USP3: variants seen among roughly 807,000 people sequenced by gnomAD.
USP3 encodes ubiquitin carboxyl-terminal hydrolase 3.
USP3 carries 20 observed loss-of-function variants against 72.3 expected under a neutral mutation model. The observed-to-expected ratio is 0.28, with a 90% CI of 0.19 to 0.40. The LOEUF is 0.40. Among genes scored for constraint, USP3 ranks in the 10% least tolerant of loss-of-function variants. USP3 has a pLI of 1.00. For missense variants in USP3, 479 were observed against 633.9 expected (o/e 0.76, Z 2.62); for synonymous variants, 222 against 225.3 (o/e 0.99, Z 0.13).
Position 63,590,674 on chromosome 15 carries a change from C to A in USP3, c.1411C>A (p.His471Asn). 1.2e-6 allele frequency: 2 copies of A among 1,607,414 alleles called. No individual in the cohort carries two copies. Among genetic ancestry groups the A allele is most frequent in the Non-Finnish European group, 8.5e-7 (1 of 1,177,190 alleles). ...TTGCCTTTACAGGGTTGGTTCTGGA[C>A]ATTACACAGCATACGCAACTCACGA... ...VHHGSGVGSG[H>N]YTAYATHEGR... Residue 471 changes from histidine (H) to asparagine (N), a missense_variant, in exon 15 of 15, where the codon CAT (histidine) becomes AAT (asparagine). By Grantham distance (68) the His-to-Asn change is moderately conservative (BLOSUM62 1). Coordinates refer to ENST00000380324, the MANE Select transcript of USP3 (RefSeq NM_006537.4).
intron 1 of USP3, among the ~76,000 whole-genome samples, chr15:63,506,386 A>G (rs890308328): frequency 5.3e-5 from 8 of 152,214 alleles, no homozygotes; most frequent in African/African-American, 1.9e-4. Context: ...AAAAAAGACC[A>G]AAGTAAACAC....
chr15:63,522,775 CTT>C, intron 1 of USP3, among the ~76,000 whole-genome samples: 1 of 152,276 alleles, frequency 6.6e-6, no homozygotes, highest in East Asian at 1.9e-4. Flanking sequence ...AACTTAGCAT[CTT>C]TGTTCATTTG....
intron 3 of USP3, chr15:63,551,193 GTTGT>G (rs1279962419): frequency 6.6e-6 from 1 of 152,018 alleles, no homozygotes; most frequent in African/African-American, 2.4e-5. Flanking sequence ...TCTCTTAACT[GTTGT>G]TTATTATCTT....
chr15:63,554,538 C>G (rs1385353444), intron 4 of USP3, among the ~76,000 whole-genome samples: 2 of 152,152 alleles, frequency 1.3e-5, no homozygotes, highest in Admixed American at 1.3e-4. Context: ...TACATCACAC[C>G]AAATCATTAA....
At chr15:63,567,140 A>G (rs2066703162) in intron 8 of USP3, among the ~76,000 whole-genome samples, 1 of 152,114 alleles carries the variant, frequency 6.6e-6, no homozygotes, top group African/African-American at 2.4e-5. Context: ...TGTTAATTTC[A>G]TTATTTGGAA....
intron 1 of USP3, among the ~76,000 whole-genome samples, chr15:63,521,403 T>G (rs964365551): frequency 2.0e-5 from 3 of 152,350 alleles, no homozygotes; most frequent in African/African-American, 7.2e-5. Flanking sequence ...AAAAATTAAC[T>G]TTTTAATTGT....
intron 1 of USP3, among the ~76,000 whole-genome samples, chr15:63,532,217 T>C (rs544758672): frequency 6.6e-6 from 1 of 152,232 alleles, no homozygotes; most frequent in Non-Finnish European, 1.5e-5. Flanking sequence ...ATGTTGTGCC[T>C]CTTAGTAAAT....
chr15:63,587,105 TTAATA>T (rs1040290521), intron 11 of USP3, among the ~76,000 whole-genome samples: 1 of 135,432 alleles, frequency 7.4e-6, no homozygotes, highest in African/African-American at 3.8e-5. Flanking sequence ...CTACCCAACT[TTAATA>T]TATTATTTAA....
Position 63,570,629 on chromosome 15 carries a change from T to C in USP3, c.908+50T>C, listed in dbSNP as rs759076971. On this transcript the variant is annotated intron_variant, in intron 9 of 14. Transcript: ENST00000380324. This position sits in a 1 kb window ranked among gnomAD's most constrained non-coding sequence, Gnocchi z 4.4. ...TTTAGGAGGGCCTCAGACATTTCTT[T>C]TGGTGTTAATTATGTGTTAGATTTA... is the stretch of plus-strand genomic sequence containing the variant. The C allele has an allele frequency of 5.7e-5, 89 of 1,558,930 alleles. No individual in the cohort carries two copies. The highest frequency in any genetic ancestry group is 3.1e-5 in the Non-Finnish European group (36 of 1,154,382).
chr15:63,521,788 A>C (rs541853909), intron 1 of USP3, among the ~76,000 whole-genome samples: 1 of 152,338 alleles, frequency 6.6e-6, no homozygotes, highest in African/African-American at 2.4e-5. Flanking sequence ...CTGGAGTTAT[A>C]GAATGGCAGT....
intron 1 of USP3, among the ~76,000 whole-genome samples, chr15:63,505,388 A>AC (rs1294055731): frequency 6.6e-6 from 1 of 151,976 alleles, no homozygotes; most frequent in South Asian, 2.1e-4. Context: ...GCACCTCGAA[A>AC]CCCCGAGAGG....
intron 11 of USP3, among the ~76,000 whole-genome samples, chr15:63,582,323 G>A (rs944800309): frequency 6.6e-6 from 1 of 152,148 alleles, no homozygotes; most frequent in African/African-American, 2.4e-5. Context: ...TACTATAATA[G>A]CACTTTCTTA....
In USP3 at chr15:63,588,521, A is replaced by G. The variant is rs527825340; in HGVS notation, c.1215+98A>G. The G allele has an allele frequency of 1.3e-4, 131 of 1,047,978 alleles. No homozygotes were observed. The South Asian group carries it at 1.8e-3, about 14-fold the overall frequency. 64.9% of individuals were successfully genotyped at this position (1,047,978 alleles called of 1,614,324 possible). A position where few individuals can be genotyped will look rare whatever the true frequency, so the allele number is the denominator to read the frequency against. On this transcript the variant is annotated intron_variant, in intron 12 of 14. Transcript: ENST00000380324. This position sits in a 1 kb window ranked among gnomAD's most constrained non-coding sequence, Gnocchi z 4.6. ...CTTTACACTATGTGAACTGTTCTGT[A>G]TTTTTCTCTAGGATTTTCAGTAAAA...
At chr15:63,542,610 G>A (rs545079962) in intron 3 of USP3, among the ~76,000 whole-genome samples, 12 of 151,926 alleles carry the variant, frequency 7.9e-5, no homozygotes, top group Non-Finnish European at 1.6e-4. Context: ...TCAAATTATT[G>A]TCCCATTGGA....
chr15:63,507,099 AT>A (rs2065723596), intron 1 of USP3, among the ~76,000 whole-genome samples: 1 of 151,172 alleles, frequency 6.6e-6, no homozygotes, highest in Admixed American at 6.6e-5. Flanking sequence ...ATTTTATTTT[AT>A]TTTTGTTTTT....
At chr15:63,558,080 A>G in intron 5 of USP3, 26 bp from the exon 6 acceptor site, 1 of 1,613,776 alleles carries the variant, frequency 6.2e-7, no homozygotes, top group Non-Finnish European at 8.5e-7. Context: ...GGCATTACTG[A>G]TGGCCTCTTC....
At chr15:63,537,747 G>A (rs944482677) in intron 3 of USP3, among the ~76,000 whole-genome samples, 5 of 152,152 alleles carry the variant, frequency 3.3e-5, no homozygotes, top group Admixed American at 2.6e-4. Flanking sequence ...GTGCAATGGC[G>A]CAATATCGGC....
rs576171931 is a variant in USP3, at chr15:63,544,601, G to A, written c.284+7445G>A. The A allele has an allele frequency of 1.5e-6, 1 of 656,286 alleles. No homozygotes were observed. Among genetic ancestry groups the A allele is most frequent in the Non-Finnish European group, 2.7e-6 (1 of 364,880 alleles). The allele number at this position is 656,286 out of a possible 1,614,324, so 40.7% of individuals were successfully genotyped here. On this transcript the variant is annotated intron_variant, in intron 3 of 14. Transcript: ENST00000380324. This position sits in a 1 kb window ranked among gnomAD's most constrained non-coding sequence, Gnocchi z 4.2. Reference sequence around the variant, plus strand: ...ACATTAAATTTTAGGACAAGAAAACGATTGAGCCATGCTGTGTGTTTTCAT... The same window carrying A: ...ACATTAAATTTTAGGACAAGAAAACAATTGAGCCATGCTGTGTGTTTTCAT...
intron 1 of USP3, among the ~76,000 whole-genome samples, chr15:63,525,624 G>T (rs2065971489): frequency 6.6e-6 from 1 of 152,182 alleles, no homozygotes; most frequent in Non-Finnish European, 1.5e-5. Flanking sequence ...AGGGACTCAA[G>T]TTATAGATAG....
Sources: allele counts gnomAD v4.1 joint callset (sites outside exome capture counted in the v4.1 genomes callset), GRCh38; gene constraint gnomAD v4.1.1; non-coding constraint Gnocchi (gnomAD v3.1); transcripts MANE v1.5; gene names NCBI Gene and HGNC (gene_info 2026-07-23, HGNC 2026-07-21).